GPAM: variants seen among roughly 807,000 people sequenced by gnomAD.
The protein encoded by GPAM is glycerol-3-phosphate acyltransferase, mitochondrial.
A neutral mutation model predicts 105.0 loss-of-function variants in GPAM; 56 were observed. That is an observed-to-expected ratio of 0.53 (90% CI 0.43 to 0.67). The LOEUF is 0.67. GPAM is among the 30% of genes least tolerant of loss of function. GPAM has a pLI of 0.00. For missense variants in GPAM, 855 were observed against 989.8 expected (o/e 0.86, Z 1.83); for synonymous variants, 368 against 354.4 (o/e 1.04, Z -0.43).
At chr10:112,203,275 C>T (rs1847820233) in intron 1 of GPAM, among the ~76,000 whole-genome samples, 2 of 152,202 alleles carry the variant, frequency 1.3e-5, no homozygotes, top group South Asian at 4.1e-4. Flanking sequence ...GAAAGAGTCC[C>T]TCTAAAAACA....
At chr10:112,158,194 G>C in intron 18 of GPAM, 122 bp downstream of exon 18, 2 of 784,088 alleles carry the variant, frequency 2.6e-6, no homozygotes, top group Non-Finnish European at 4.6e-6. Flanking sequence ...ACCTCCCAAA[G>C]TGCTGGGATT....
intron 1 of GPAM, among the ~76,000 whole-genome samples, chr10:112,194,041 A>G (rs1157387710): frequency 3.9e-5 from 6 of 152,162 alleles, no homozygotes; most frequent in Admixed American, 6.5e-5. Context: ...GAAACAACAG[A>G]GTTTGTTTCT....
rs1389721012 is a variant in GPAM, at chr10:112,151,485, T to C, written c.*2065A>G. ...GTTAATTACAAAAAGCATGCATATTTATCCTCACAGTGAGTTAAGTGGTGA... is the reference window on the plus strand; with the variant it reads ...GTTAATTACAAAAAGCATGCATATTCATCCTCACAGTGAGTTAAGTGGTGA... On this transcript the variant is annotated 3_prime_UTR_variant, in exon 22 of 22. Coordinates refer to ENST00000348367, the MANE Select transcript of GPAM (RefSeq NM_001244949.2). 3.0e-6 allele frequency: 3 copies of C among 985,724 alleles called. No homozygotes were observed. Among genetic ancestry groups the C allele is most frequent in the Non-Finnish European group, 3.6e-6 (3 of 829,904 alleles). The allele number at this position is 985,724 out of a possible 1,614,324, so 61.1% of individuals were successfully genotyped here. A position where few individuals can be genotyped will look rare whatever the true frequency, so the allele number is the denominator to read the frequency against.
At chr10:112,156,707 A>T (rs2133226525) in intron 19 of GPAM, 1 of 165,892 alleles carries the variant, frequency 6.0e-6, no homozygotes. Context: ...AATGTCAAAA[A>T]AGAGTAATCC....
Position 112,151,205 on chromosome 10 carries a change from A to G in GPAM, c.*2345T>C, listed in dbSNP as rs760421754. The stretch of plus-strand genomic sequence containing the variant: ...GCGATAGAGTAAACTGTAATAAATT[A>G]TTTACAAGCACCTAGTTTGTTTAAC... On this transcript the variant is annotated 3_prime_UTR_variant, in exon 22 of 22. Coordinates refer to ENST00000348367, the MANE Select transcript of GPAM (RefSeq NM_001244949.2). 101 of 983,506 alleles carry G rather than the reference A, an allele frequency of 1.0e-4. No homozygotes were observed. The highest frequency in any genetic ancestry group is 1.2e-4 in the Non-Finnish European group (98 of 828,060). The allele number at this position is 983,506 out of a possible 1,614,324, so 60.9% of individuals were successfully genotyped here. A position where few individuals can be genotyped will look rare whatever the true frequency, so the allele number is the denominator to read the frequency against.
intron 9 of GPAM, among the ~76,000 whole-genome samples, chr10:112,169,226 G>A (rs185979049): frequency 1.9e-4 from 29 of 152,166 alleles, no homozygotes; most frequent in African/African-American, 5.5e-4. Flanking sequence ...CATATTACCC[G>A]TAAAAATGAT....
chr10:112,188,079 GA>G (rs1304795678), upstream of GPAM, among the ~76,000 whole-genome samples: 1 of 151,432 alleles, frequency 6.6e-6, no homozygotes, highest in East Asian at 1.9e-4. Flanking sequence ...ACCTATACTA[GA>G]AAAAAAGAAA....
chr10:112,169,743 G>A (rs958549183), intron 9 of GPAM, among the ~76,000 whole-genome samples: 3 of 152,126 alleles, frequency 2.0e-5, no homozygotes, highest in African/African-American at 4.8e-5. Context: ...GTTAGGAACC[G>A]GGCCACACAG....
intron 1 of GPAM, among the ~76,000 whole-genome samples, chr10:112,191,895 A>C (rs1300055926): frequency 2.6e-5 from 4 of 152,198 alleles, no homozygotes; most frequent in Non-Finnish European, 5.9e-5. Context: ...GGCTTCAAAA[A>C]AGGGTGAAGA....
intron 8 of GPAM, 28 bp from the exon 9 acceptor site, chr10:112,172,346 A>T: frequency 6.2e-7 from 1 of 1,603,674 alleles, no homozygotes; most frequent in Non-Finnish European, 8.5e-7. Context: ...GCCAAATTTA[A>T]AACTCAAATG....
At chr10:112,195,371 C>T (rs773916716) in intron 1 of GPAM, among the ~76,000 whole-genome samples, 6 of 152,342 alleles carry the variant, frequency 3.9e-5, no homozygotes, top group Non-Finnish European at 5.9e-5. Flanking sequence ...TCTCCGTCCA[C>T]GTACTCTTTC....
the GPAM span, among the ~76,000 whole-genome samples, chr10:112,225,792 C>T: frequency 6.6e-6 from 1 of 152,316 alleles, no homozygotes; most frequent in East Asian, 1.9e-4. Context: ...TATCAACTAT[C>T]CCCCTCCACT....
At chr10:112,179,051 A>T (rs1421818625) in intron 4 of GPAM, among the ~76,000 whole-genome samples, 3 of 152,230 alleles carry the variant, frequency 2.0e-5, no homozygotes, top group Non-Finnish European at 4.4e-5. Context: ...AACAAATATA[A>T]AACTACTTAA....
rs1846903067 is a variant in GPAM, at chr10:112,150,845, A to T, written c.*2705T>A. On this transcript the variant is annotated 3_prime_UTR_variant, in exon 22 of 22. Transcript: ENST00000348367. ...CTATGGGAAATGCTTTTCCCCATCCAGGTTACTGGCAATTCCACAATTTGG... is the reference window on the plus strand; with the variant it reads ...CTATGGGAAATGCTTTTCCCCATCCTGGTTACTGGCAATTCCACAATTTGG... 4 of 984,718 alleles carry T rather than the reference A, an allele frequency of 4.1e-6. No individual in the cohort carries two copies. In the African/African-American group the frequency reaches 7.0e-5, roughly 17 times the overall value. 61.0% of individuals were successfully genotyped at this position (984,718 alleles called of 1,614,324 possible).
At chr10:112,198,619 C>T (rs1847753597) in intron 1 of GPAM, among the ~76,000 whole-genome samples, 1 of 152,212 alleles carries the variant, frequency 6.6e-6, no homozygotes, top group Middle Eastern at 3.4e-3. Flanking sequence ...TGGGGTGGTT[C>T]CTCAAAAAAT....
At chr10:112,177,941 T>C (rs1461938675) in intron 5 of GPAM, 43 bp downstream of exon 5, 1 of 1,051,844 alleles carries the variant, frequency 9.5e-7, no homozygotes, top group Non-Finnish European at 1.5e-6. Flanking sequence ...TTATGAAGTT[T>C]TTCTTTTGAG....
chr10:112,185,901 A>G (rs10749112), upstream of GPAM, among the ~76,000 whole-genome samples: 83,996 of 151,998 alleles, frequency 0.55, 23,457 homozygotes, highest in South Asian at 0.63. Context: ...TATACATGCA[A>G]TTGTAGTCCC....
intron 8 of GPAM, 73 bp from the exon 9 acceptor site, chr10:112,172,391 G>T: frequency 8.2e-7 from 1 of 1,221,880 alleles, no homozygotes. Flanking sequence ...TGCATATTTG[G>T]CTAGAGTCAC....
intron 1 of GPAM, among the ~76,000 whole-genome samples, chr10:112,195,025 C>A (rs554927730): frequency 6.6e-6 from 1 of 152,176 alleles, no homozygotes; most frequent in Non-Finnish European, 1.5e-5. Context: ...CACTGGGGGG[C>A]ATAATGACTC....
Sources: gnomAD v4.1 joint callset for allele counts (sites outside exome capture counted in the v4.1 genomes callset) on GRCh38, gnomAD v4.1.1 for gene constraint, MANE v1.5 for transcripts, NCBI Gene and HGNC (gene_info 2026-07-23, HGNC 2026-07-21) for gene names.